Variants in TMPRSS12 observed in about 807,000 individuals in gnomAD.
TMPRSS12 encodes the protein transmembrane protease serine 12.
In TMPRSS12, 25 loss-of-function variants were observed where a neutral mutation model predicts 26.0. That is an observed-to-expected ratio of 0.96 (90% CI 0.70 to 1.34). The LOEUF (loss-of-function observed/expected upper bound fraction) is 1.34, where lower values mean the gene tolerates loss of function less well. Among genes scored for constraint, TMPRSS12 ranks in the 40% most tolerant of loss-of-function variants. The pLI is 0.00. For missense variants in TMPRSS12, 441 were observed against 440.1 expected, an observed-to-expected ratio of 1.00 and a Z score of -0.02; for synonymous variants, 150 against 161.7, an observed-to-expected ratio of 0.93 and a Z score of 0.55.
At position 50,887,563 on chromosome 12, in the gene TMPRSS12, A is replaced by G. The variant is rs1202536558; in HGVS notation, c.*50A>G. On this transcript the variant is annotated 3_prime_UTR_variant, in exon 5 of 5. Transcript: ENST00000398458. ...TTTATTTTGCATTGTGTCCCTTTCT[A>G]TGTTCTATATAATGAACATCATTTA... 6 of 1,566,614 alleles carry G rather than the reference A, an allele frequency of 3.8e-6. No individual in the cohort carries two copies. The highest frequency in any genetic ancestry group is 5.2e-6 in the Non-Finnish European group (6 of 1,160,718).
intron 3 of TMPRSS12, among the ~76,000 whole-genome samples, chr12:50,882,494 G>C (rs1938185381): frequency 6.6e-6 from 1 of 151,802 alleles, no homozygotes; most frequent in Non-Finnish European, 1.5e-5. Flanking sequence ...CCAAAATCCA[G>C]TTTTCTGAAA....
At chr12:50,853,899 A>G (rs764730397) in intron 2 of TMPRSS12, among the ~76,000 whole-genome samples, 1 of 152,168 alleles carries the variant, frequency 6.6e-6, no homozygotes, top group Non-Finnish European at 1.5e-5. Flanking sequence ...TACCAGGTGT[A>G]TAAAAGAGGT....
intron 3 of TMPRSS12, among the ~76,000 whole-genome samples, chr12:50,865,824 G>C (rs747965878): frequency 6.6e-6 from 1 of 152,122 alleles, no homozygotes; most frequent in Non-Finnish European, 1.5e-5. Context: ...ACCCTCTCCT[G>C]TTGCCGTGTG....
chr12:50,869,493 T>C (rs1009191468), intron 3 of TMPRSS12, among the ~76,000 whole-genome samples: 4 of 152,132 alleles, frequency 2.6e-5, no homozygotes, highest in Non-Finnish European at 5.9e-5. Flanking sequence ...AGTAGCGAGA[T>C]TGAAATGGTA....
intron 3 of TMPRSS12, among the ~76,000 whole-genome samples, chr12:50,884,198 A>G (rs1191777338): frequency 6.6e-6 from 1 of 152,266 alleles, no homozygotes; most frequent in Non-Finnish European, 1.5e-5. Context: ...ACATCATTAC[A>G]GTAAAACATT....
At chr12:50,859,490 A>G (rs1302184768) in intron 3 of TMPRSS12, among the ~76,000 whole-genome samples, 1 of 152,150 alleles carries the variant, frequency 6.6e-6, no homozygotes, top group Non-Finnish European at 1.5e-5. Context: ...TGCTGGGATT[A>G]CAGGCATGAG....
chr12:50,852,673 G>A (rs561620626), intron 2 of TMPRSS12, among the ~76,000 whole-genome samples: 9 of 152,222 alleles, frequency 5.9e-5, no homozygotes, highest in East Asian at 3.9e-4. Flanking sequence ...CCAAAGTACC[G>A]GAATTACAGG....
chr12:50,887,360 T>C lies in TMPRSS12; in HGVS notation c.894T>C (p.Gly298=). 6.2e-7 allele frequency: 1 copy of C among 1,613,918 alleles called. No homozygotes were observed. The highest frequency in any genetic ancestry group is 1.1e-5 in the South Asian group (1 of 91,080). ...TSYGHGCGRR[G]FPGVYIGPSF... is the part of the protein sequence containing the mutation. ...ACGGACATGGCTGTGGTCGAAGAGG[T>C]TTTCCTGGTGTCTATATTGGGCCAT... The change falls in exon 5 of 5, where the codon GGT becomes GGC. Residue 298 remains glycine, a synonymous_variant. Transcript: ENST00000398458.
At chr12:50,873,673 ATCTGGAGAAAATT>A (rs1242286153) in intron 3 of TMPRSS12, among the ~76,000 whole-genome samples, 2 of 152,210 alleles carry the variant, frequency 1.3e-5, no homozygotes, top group African/African-American at 4.8e-5. Flanking sequence ...TTGGTAACAT[ATCTGGAGAAAATT>A]TTTGGATGTT....
chr12:50,876,420 A>G (rs1363700920), intron 3 of TMPRSS12, among the ~76,000 whole-genome samples: 1 of 152,218 alleles, frequency 6.6e-6, no homozygotes, highest in African/African-American at 2.4e-5. Flanking sequence ...AATATAAATC[A>G]TTCTACCAAA....
intron 2 of TMPRSS12, among the ~76,000 whole-genome samples, chr12:50,849,853 C>T (rs1937808664): frequency 6.6e-6 from 1 of 152,054 alleles, no homozygotes; most frequent in African/African-American, 2.4e-5. Flanking sequence ...CAATAGAAGG[C>T]ACAGAACAAA....
rs574473881 is a variant in TMPRSS12 at position 50,874,679 on chromosome 12, A to G, written c.653-10567A>G. Among the ~76,000 whole-genome samples, 52 of 152,316 alleles carry G rather than the reference A, an allele frequency of 3.4e-4. 1 individual carries two copies. The highest frequency in any genetic ancestry group is 5.3e-4 in the Non-Finnish European group (36 of 68,030). ...CCTAGAAAACCCTAAAGACTCCACC[A>G]AAGGCTCCTGGAACTGATAAATGAC... On this transcript the variant is annotated intron_variant, in intron 3 of 4. Transcript: ENST00000398458.
intron 2 of TMPRSS12, among the ~76,000 whole-genome samples, chr12:50,850,253 A>G (rs1937813095): frequency 6.6e-6 from 1 of 152,096 alleles, no homozygotes; most frequent in Non-Finnish European, 1.5e-5. Context: ...CTTGGTGATA[A>G]GTGAGTTCTC....
rs79730277 is a variant in TMPRSS12 at position 50,843,964 on chromosome 12, G to A, written c.310G>A (p.Val104Ile). The change falls in exon 2 of 5, where the codon GTT becomes ATT. Residue 104 changes from valine (V) to isoleucine (I), a missense_variant. Val to Ile is a conservative substitution (Grantham distance 29, BLOSUM62 3). Transcript: ENST00000398458. ...GCAGATTAAATATGGCCGTGTTCTT[G>A]TTCATGTATGTGGGGGAACCCTAGT... is the stretch of plus-strand genomic sequence containing the variant. Reference protein sequence around the residue: ...SLQIKYGRVLVHVCGGTLVRE... With the variant: ...SLQIKYGRVLIHVCGGTLVRE... 2 of 1,606,648 alleles carry A rather than the reference G, an allele frequency of 1.2e-6. No individual in the cohort carries two copies. The highest frequency in any genetic ancestry group is 8.5e-7 in the Non-Finnish European group (1 of 1,176,542).
intron 3 of TMPRSS12, among the ~76,000 whole-genome samples, chr12:50,872,838 ACG>A (rs1318340785): frequency 1.6e-5 from 1 of 63,936 alleles, no homozygotes. Flanking sequence ...CATATATATG[ACG>A]TCTATATATG....
Position 50,861,971 on chromosome 12 carries a change from G to A in TMPRSS12, c.652+2918G>A, listed in dbSNP as rs564418552. ...ACTACGGGCACGTGCCACCACACTC[G>A]GCTAATTTTTTGTATTTTAGTAGAG... On this transcript the variant is annotated intron_variant, in intron 3 of 4. Coordinates refer to ENST00000398458, the MANE Select transcript of TMPRSS12 (RefSeq NM_182559.3). 5.9e-5 allele frequency among the ~76,000 whole-genome samples: 9 copies of A among 152,144 alleles called. No homozygotes were observed. The South Asian group carries it at 8.3e-4, about 14-fold the overall frequency.
intron 2 of TMPRSS12, among the ~76,000 whole-genome samples, chr12:50,853,155 A>G (rs1395486728): frequency 6.6e-6 from 1 of 152,262 alleles, no homozygotes; most frequent in Admixed American, 6.5e-5. Context: ...TGATAAAAAT[A>G]GAAATCAATG....
intron 3 of TMPRSS12, among the ~76,000 whole-genome samples, chr12:50,869,394 A>T (rs1565934851): frequency 6.6e-6 from 1 of 152,202 alleles, no homozygotes; most frequent in Non-Finnish European, 1.5e-5. Context: ...AAACTAGAAA[A>T]TCTAGAAGGA....
chr12:50,872,624 T>C (rs1178200549), intron 3 of TMPRSS12, among the ~76,000 whole-genome samples: 2 of 118,880 alleles, frequency 1.7e-5, no homozygotes, highest in Non-Finnish European at 3.6e-5. Context: ...GACGTATATA[T>C]GTACATATAT....
Sources: gnomAD v4.1 joint callset for allele counts (sites outside exome capture counted in the v4.1 genomes callset) on GRCh38, gnomAD v4.1.1 for gene constraint, MANE v1.5 for transcripts, NCBI Gene and HGNC (gene_info 2026-07-23, HGNC 2026-07-21) for gene names.